The following RPS6KC1 variants were observed in gnomAD, a reference collection of about 807,000 sequenced individuals.
RPS6KC1 encodes ribosomal protein S6 kinase C1.
RPS6KC1 carries 54 observed loss-of-function variants against 103.8 expected under a neutral mutation model. That is an observed-to-expected ratio of 0.52 (90% CI 0.42 to 0.65). RPS6KC1 has a LOEUF of 0.65. Ranked by LOEUF, RPS6KC1 falls within the 30% of genes least tolerant of loss-of-function variation. RPS6KC1 has a pLI of 0.00. For synonymous variants in RPS6KC1, 439 were observed against 438.7 expected (o/e 1.00, Z -0.01); for missense variants, 1,151 against 1,253.8 (o/e 0.92, Z 1.24).
At chr1:213,518,302 A>C in the RPS6KC1 span, among the ~76,000 whole-genome samples, 1 of 152,188 alleles carries the variant, frequency 6.6e-6, no homozygotes, top group Non-Finnish European at 1.5e-5. Flanking sequence ...TCTCAAGATG[A>C]GATCATCCTT....
At chr1:213,499,827 A>G in the RPS6KC1 span, among the ~76,000 whole-genome samples, 1 of 152,250 alleles carries the variant, frequency 6.6e-6, no homozygotes, top group Non-Finnish European at 1.5e-5. Context: ...GTTGTAACAC[A>G]ATGAAAAGTA....
At chr1:213,272,485 G>C (rs766101420) in intron 14 of RPS6KC1, 39 bp from the exon 15 acceptor site, 6 of 1,482,778 alleles carry the variant, frequency 4.0e-6, no homozygotes, top group Non-Finnish European at 5.7e-6. Flanking sequence ...TGATTTGCCA[G>C]TTGGATTCCT....
chr1:213,428,424 TCTCCCC>T, the RPS6KC1 span, among the ~76,000 whole-genome samples: 1 of 55,910 alleles, frequency 1.8e-5, no homozygotes, highest in Non-Finnish European at 3.8e-5. Flanking sequence ...CCTCCCTTCC[TCTCCCC>T]TCCCTCCCTC....
At chr1:213,788,203 A>C in the RPS6KC1 span, among the ~76,000 whole-genome samples, 8 of 152,176 alleles carry the variant, frequency 5.3e-5, no homozygotes. Context: ...CTTTACCACT[A>C]AACAGCTCAC....
chr1:213,165,380 G>A (rs1185212402), intron 6 of RPS6KC1, among the ~76,000 whole-genome samples: 3 of 151,086 alleles, frequency 2.0e-5, no homozygotes, highest in Non-Finnish European at 2.9e-5. Context: ...ACAGGTGCCC[G>A]CCACCATGCC....
At chr1:213,279,733 G>C (rs2095118992), downstream of RPS6KC1, among the ~76,000 whole-genome samples, 1 of 152,132 alleles carries the variant, frequency 6.6e-6, no homozygotes, top group African/African-American at 2.4e-5. Flanking sequence ...AGGGAATATG[G>C]ATGATTTTTC....
the RPS6KC1 span, among the ~76,000 whole-genome samples, chr1:213,708,224 G>T: frequency 0.26 from 39,598 of 151,990 alleles, 5,736 homozygotes; most frequent in Middle Eastern, 0.38. Context: ...TTGAGCAGTT[G>T]TTTGTAGGTC....
At chr1:213,514,590 T>C in the RPS6KC1 span, among the ~76,000 whole-genome samples, 4 of 152,218 alleles carry the variant, frequency 2.6e-5, no homozygotes, top group Admixed American at 6.5e-5. Context: ...TAGTATTCCA[T>C]GGTGTATATG....
At chr1:213,324,626 G>A in the RPS6KC1 span, among the ~76,000 whole-genome samples, 7 of 110,584 alleles carry the variant, frequency 6.3e-5, no homozygotes, top group African/African-American at 2.5e-4. Context: ...TTTAAGCTTA[G>A]ATAACCCAAC....
chr1:213,547,430 T>C, the RPS6KC1 span, among the ~76,000 whole-genome samples: 7 of 152,204 alleles, frequency 4.6e-5, no homozygotes, highest in Non-Finnish European at 8.8e-5. Context: ...AGTCTCAAAT[T>C]CTGCCACTAT....
At chr1:213,806,132 A>G in the RPS6KC1 span, among the ~76,000 whole-genome samples, 1 of 152,092 alleles carries the variant, frequency 6.6e-6, no homozygotes, top group African/African-American at 2.4e-5. Context: ...GGAGATTGAG[A>G]CCATCCTGGC....
the RPS6KC1 span, among the ~76,000 whole-genome samples, chr1:213,570,149 G>A: frequency 7.9e-5 from 12 of 152,298 alleles, no homozygotes; most frequent in South Asian, 2.5e-3. Context: ...GCCTGGGTGT[G>A]TAGGAAACTC....
the RPS6KC1 span, among the ~76,000 whole-genome samples, chr1:213,543,342 T>C: frequency 1.3e-5 from 2 of 151,886 alleles, no homozygotes; most frequent in South Asian, 4.2e-4. Context: ...TAAACAAAGG[T>C]AGAGGCAACA....
At chr1:213,795,173 A>G in the RPS6KC1 span, among the ~76,000 whole-genome samples, 2 of 152,340 alleles carry the variant, frequency 1.3e-5, no homozygotes, top group Non-Finnish European at 1.5e-5. Flanking sequence ...ATTTCTCTGT[A>G]TATCTATCCA....
chr1:213,460,007 G>A, the RPS6KC1 span, among the ~76,000 whole-genome samples: 3 of 152,298 alleles, frequency 2.0e-5, no homozygotes, highest in East Asian at 5.8e-4. Context: ...TTCCAATTAT[G>A]TGGTCAATTT....
chr1:213,663,586 C>G, the RPS6KC1 span, among the ~76,000 whole-genome samples: 3 of 152,228 alleles, frequency 2.0e-5, no homozygotes, highest in African/African-American at 7.2e-5. Flanking sequence ...TATGAAGCAT[C>G]CCTTGTTCAA....
the RPS6KC1 span, among the ~76,000 whole-genome samples, chr1:213,846,900 T>C: frequency 9.2e-5 from 14 of 152,184 alleles, no homozygotes; most frequent in Admixed American, 2.6e-4. Context: ...AGTCCAGGGA[T>C]CTAAGCACTT....
At chr1:213,469,480 C>T in the RPS6KC1 span, among the ~76,000 whole-genome samples, 1 of 152,260 alleles carries the variant, frequency 6.6e-6, no homozygotes, top group Admixed American at 6.5e-5. Flanking sequence ...AGGGCTAGGA[C>T]TAGGGGTAGG....
the RPS6KC1 span, among the ~76,000 whole-genome samples, chr1:213,375,238 T>C: frequency 6.6e-6 from 1 of 151,124 alleles, no homozygotes; most frequent in Non-Finnish European, 1.5e-5. Flanking sequence ...TACATACACA[T>C]ACACACATAT....
Sources: allele counts gnomAD v4.1 joint callset (sites outside exome capture counted in the v4.1 genomes callset), GRCh38; gene constraint gnomAD v4.1.1; transcripts MANE v1.5; gene names NCBI Gene and HGNC (gene_info 2026-07-23, HGNC 2026-07-21).